The following LPAR3 variants were observed in gnomAD, a reference collection of about 807,000 sequenced individuals.
LPAR3 encodes lysophosphatidic acid receptor 3, also known as LPA receptor 3.
LPAR3 carries 7 observed loss-of-function variants against 17.8 expected under a neutral mutation model. The observed-to-expected ratio is 0.39, with a 90% CI of 0.22 to 0.74. LPAR3 has a LOEUF of 0.74. LPAR3 is among the 30% of genes least tolerant of loss of function. The probability of loss-of-function intolerance (pLI) is 0.40; values close to 1 mark genes in which losing one functional copy is unlikely to be tolerated. For synonymous variants in LPAR3, 179 were observed against 179.9 expected, an observed-to-expected ratio of 0.99 and a Z score of 0.04; for missense variants, 391 against 453.4, an observed-to-expected ratio of 0.86 and a Z score of 1.25.
chr1:84,874,405 G>T (rs1336275457), intron 1 of LPAR3, among the ~76,000 whole-genome samples: 1 of 152,174 alleles, frequency 6.6e-6, no homozygotes, highest in Admixed American at 6.5e-5. Context: ...ATCAAGTGGG[G>T]TTTACAGAAG....
At chr1:84,850,538 G>A (rs184322325) in intron 2 of LPAR3, among the ~76,000 whole-genome samples, 3 of 152,174 alleles carry the variant, frequency 2.0e-5, no homozygotes, top group Admixed American at 1.3e-4. Context: ...GCAGTGAGCC[G>A]AGATTGCACT....
At chr1:84,884,799 C>G (rs1660428295) in intron 1 of LPAR3, among the ~76,000 whole-genome samples, 1 of 152,208 alleles carries the variant, frequency 6.6e-6, no homozygotes, top group Non-Finnish European at 1.5e-5. Context: ...GAAAGTTAAC[C>G]TTGCTGACAT....
chr1:84,823,093 AG>A (rs1659087163), intron 2 of LPAR3, among the ~76,000 whole-genome samples: 1 of 152,178 alleles, frequency 6.6e-6, no homozygotes, highest in Non-Finnish European at 1.5e-5. Flanking sequence ...TCTACATAAA[AG>A]TCAGGTTTGT....
At position 84,811,855 on chromosome 1, in the gene LPAR3, G is replaced by C. The variant is rs1396765156; in HGVS notation, c.*1991C>G. 2.0e-5 allele frequency: 3 copies of C among 151,920 alleles called. No homozygotes were observed. The highest frequency in any genetic ancestry group is 7.3e-5 in the African/African-American group (3 of 41,362). The allele number at this position is 151,920 out of a possible 1,614,324, so 9.4% of individuals were successfully genotyped here. On this transcript the variant is annotated 3_prime_UTR_variant, in exon 3 of 3. Transcript: ENST00000370611. ...TAAATACTATAATATCTACCTTGAA[G>C]TTATTCTCATTTTAAATCAGAATAC...
chr1:84,848,570 G>C (rs1277126353), intron 2 of LPAR3, among the ~76,000 whole-genome samples: 4 of 152,180 alleles, frequency 2.6e-5, no homozygotes, highest in Non-Finnish European at 4.4e-5. Context: ...TTCCAAGTTG[G>C]AACAAATGAA....
chr1:84,820,114 C>T (rs1469724099), intron 2 of LPAR3, among the ~76,000 whole-genome samples: 3 of 152,152 alleles, frequency 2.0e-5, no homozygotes, highest in African/African-American at 7.2e-5. Flanking sequence ...TAGAGTAGCT[C>T]AACAGTTTGT....
At chr1:84,878,315 G>A (rs563704201) in intron 1 of LPAR3, among the ~76,000 whole-genome samples, 5 of 152,084 alleles carry the variant, frequency 3.3e-5, no homozygotes, top group South Asian at 2.1e-4. Context: ...GTGACTTGAC[G>A]CTCCTGTTTT....
intron 1 of LPAR3, among the ~76,000 whole-genome samples, chr1:84,890,424 T>G (rs1282043537): frequency 1.3e-5 from 2 of 152,236 alleles, no homozygotes; most frequent in African/African-American, 4.8e-5. Flanking sequence ...GAGTACTTCC[T>G]GTATATGAGA....
In LPAR3 at chr1:84,865,987, A is replaced by T; in HGVS notation, c.134T>A (p.Phe45Tyr). ...CVGTFFCLFI[F>Y]FSNSLVIAAV... ...CGCGATGACCAGAGAATTAGAAAAAAAAATAAACAGGCAGAAAAACGTCCC... is the reference window on the plus strand; with the variant it reads ...CGCGATGACCAGAGAATTAGAAAAATAAATAAACAGGCAGAAAAACGTCCC... The change falls in exon 2 of 3, where the codon TTT becomes TAT. Residue 45 changes from phenylalanine (F) to tyrosine (Y), a missense_variant. By Grantham distance (22) the Phe-to-Tyr change is conservative. Transcript: ENST00000370611. 6.2e-7 allele frequency: 1 copy of T among 1,614,202 alleles called. No homozygotes were observed. The highest frequency in any genetic ancestry group is 1.3e-5 in the African/African-American group (1 of 75,044).
rs1218810115 is a variant in LPAR3, at chr1:84,865,940, A to C, written c.181T>G (p.Phe61Val). ...AACAGGTAGTAGAAGGGGAAATGAA[A>C]TTTTCTGTTTTTGATCACTGCCGCG... is the stretch of plus-strand genomic sequence containing the variant. ...VIAAVIKNRKFHFPFYYLLAN... is the reference protein window; with the variant it reads ...VIAAVIKNRKVHFPFYYLLAN... Residue 61 changes from phenylalanine (F) to valine (V), a missense_variant, in exon 2 of 3, where the codon TTT becomes GTT. Physicochemically the swap from Phe to Val is conservative, Grantham distance 50 (BLOSUM62 -1). Coordinates refer to ENST00000370611, the MANE Select transcript of LPAR3 (RefSeq NM_012152.3). 4.3e-6 allele frequency: 7 copies of C among 1,613,930 alleles called. No individual in the cohort carries two copies. Among genetic ancestry groups the C allele is most frequent in the Non-Finnish European group, 5.9e-6 (7 of 1,180,018 alleles).
At chr1:84,857,995 G>A (rs985709572) in intron 2 of LPAR3, among the ~76,000 whole-genome samples, 5 of 152,092 alleles carry the variant, frequency 3.3e-5, no homozygotes, top group African/African-American at 1.2e-4. Context: ...AAGTCCACTC[G>A]AATCTCCTTG....
intron 2 of LPAR3, among the ~76,000 whole-genome samples, chr1:84,838,297 G>C (rs1038367793): frequency 2.0e-5 from 3 of 152,110 alleles, no homozygotes; most frequent in Admixed American, 6.5e-5. Context: ...GGGGATCCAT[G>C]GTGGATTCTT....
In LPAR3 at chr1:84,813,607, C is replaced by T. The variant is rs188764823; in HGVS notation, c.*239G>A. On this transcript the variant is annotated 3_prime_UTR_variant, in exon 3 of 3. Coordinates refer to ENST00000370611, the MANE Select transcript of LPAR3 (RefSeq NM_012152.3). ...GGACTGACAGGAGCTCTGAGCAGTT[C>T]ATAGGACAAGCAGGGACCCGCCGAA... 59 of 480,548 alleles carry T rather than the reference C, an allele frequency of 1.2e-4. No homozygotes were observed. The highest frequency in any genetic ancestry group is 1.0e-3 in the African/African-American group (52 of 51,954). The allele number at this position is 480,548 out of a possible 1,614,324, so 29.8% of individuals were successfully genotyped here. A position where few individuals can be genotyped will look rare whatever the true frequency, so the allele number is the denominator to read the frequency against.
At chr1:84,830,558 T>C (rs1362758286) in intron 2 of LPAR3, among the ~76,000 whole-genome samples, 1 of 152,188 alleles carries the variant, frequency 6.6e-6, no homozygotes. Context: ...TCAAATCAGA[T>C]ACCATCAGTG....
chr1:84,829,849 T>C (rs554429228), intron 2 of LPAR3, among the ~76,000 whole-genome samples: 2 of 152,014 alleles, frequency 1.3e-5, no homozygotes, highest in South Asian at 2.1e-4. Context: ...AGGACATAAA[T>C]AGAACATGTA....
In LPAR3 at chr1:84,865,718, G is replaced by T. The variant is rs772234275; in HGVS notation, c.403C>A (p.Arg135=). 206 of 1,614,058 alleles carry T rather than the reference G, an allele frequency of 1.3e-4. No homozygotes were observed. The highest frequency in any genetic ancestry group is 2.5e-4 in the Admixed American group (15 of 59,998). ...VERHMSIMRM[R]VHSNLTKKRV... ...TTTTTGGTCAGGTTGCTATGGACCC[G>T]CATCCTCATGATTGACATGTGCCTC... The change falls in exon 2 of 3, where the codon CGG becomes AGG. Residue 135 remains arginine, a synonymous_variant. Coordinates refer to ENST00000370611, the MANE Select transcript of LPAR3 (RefSeq NM_012152.3).
chr1:84,860,141 C>A (rs533567890), intron 2 of LPAR3, among the ~76,000 whole-genome samples: 5 of 152,180 alleles, frequency 3.3e-5, no homozygotes, highest in African/African-American at 1.2e-4. Flanking sequence ...GCTGCTGAAA[C>A]GGGAACATGA....
intron 1 of LPAR3, among the ~76,000 whole-genome samples, chr1:84,887,239 T>C (rs1570910572): frequency 2.0e-5 from 3 of 149,096 alleles, no homozygotes. Flanking sequence ...AAGCCAGGTG[T>C]GGTAGTGTGC....
chr1:84,864,120 A>G (rs1049441597), intron 2 of LPAR3, among the ~76,000 whole-genome samples: 97 of 151,852 alleles, frequency 6.4e-4, no homozygotes, highest in African/African-American at 2.3e-3. Flanking sequence ...GCTGAGGTAG[A>G]AGGATCACTT....
Sources: gnomAD v4.1 joint callset for allele counts (sites outside exome capture counted in the v4.1 genomes callset) on GRCh38, gnomAD v4.1.1 for gene constraint, MANE v1.5 for transcripts, NCBI Gene and HGNC (gene_info 2026-07-23, HGNC 2026-07-21) for gene names.